Variants in FOXJ3 observed in about 807,000 individuals in gnomAD.
FOXJ3 encodes forkhead box J3.
In FOXJ3, 22 loss-of-function variants were observed where a neutral mutation model predicts 76.1. That is an observed-to-expected ratio of 0.29 (90% CI 0.21 to 0.41). The LOEUF (loss-of-function observed/expected upper bound fraction) is 0.41. FOXJ3 is among the 10% of genes least tolerant of loss of function. The probability of loss-of-function intolerance (pLI) is 1.00; values close to 1 mark genes in which losing one functional copy is unlikely to be tolerated. For missense variants in FOXJ3, 613 were observed against 762.1 expected (o/e 0.80, Z 2.30); for synonymous variants, 269 against 261.2 (o/e 1.03, Z -0.29).
At chr1:42,324,588 TC>T (rs1655718586) in intron 1 of FOXJ3, among the ~76,000 whole-genome samples, 1 of 152,018 alleles carries the variant, frequency 6.6e-6, no homozygotes, top group African/African-American at 2.4e-5. Flanking sequence ...AGAGTGTACT[TC>T]CACAAACCTA....
chr1:42,233,883 G>A (rs1156676958), intron 4 of FOXJ3, among the ~76,000 whole-genome samples: 3 of 150,952 alleles, frequency 2.0e-5, no homozygotes, highest in Non-Finnish European at 4.4e-5. Flanking sequence ...AGTTTTCAAA[G>A]GGAATGCTTC....
intron 1 of FOXJ3, among the ~76,000 whole-genome samples, chr1:42,330,303 T>C (rs555227565): frequency 1.3e-5 from 2 of 152,056 alleles, no homozygotes; most frequent in Admixed American, 6.5e-5. Context: ...AACAAACAAG[T>C]GGCAGAATCT....
chr1:42,183,028 A>T (rs1646355962), intron 11 of FOXJ3, among the ~76,000 whole-genome samples: 1 of 149,762 alleles, frequency 6.7e-6, no homozygotes, highest in Non-Finnish European at 1.5e-5. Context: ...TAATCCCAGC[A>T]CTTTGGGAGG....
chr1:42,284,151 T>C (rs1174648309), intron 2 of FOXJ3, among the ~76,000 whole-genome samples: 1 of 152,186 alleles, frequency 6.6e-6, no homozygotes, highest in Non-Finnish European at 1.5e-5. Flanking sequence ...CAGATGAATG[T>C]AGTTCCTAAC....
chr1:42,199,996 ACT>A (rs1422089225), intron 6 of FOXJ3, among the ~76,000 whole-genome samples: 25 of 120,502 alleles, frequency 2.1e-4, no homozygotes, highest in Non-Finnish European at 3.7e-4. Context: ...ACAGAGCGAG[ACT>A]CTGTCTCAAA....
At chr1:42,314,438 G>T (rs1436818190) in intron 1 of FOXJ3, among the ~76,000 whole-genome samples, 2 of 152,144 alleles carry the variant, frequency 1.3e-5, no homozygotes, top group Non-Finnish European at 2.9e-5. Flanking sequence ...TTAGTAGAGG[G>T]GGTTTCACCA....
At chr1:42,262,269 T>C (rs185751800) in intron 4 of FOXJ3, among the ~76,000 whole-genome samples, 4 of 152,280 alleles carry the variant, frequency 2.6e-5, no homozygotes, top group Non-Finnish European at 5.9e-5. Flanking sequence ...TTGTATTGAG[T>C]TTCTGTGACT....
chr1:42,309,608 C>A (rs1337844197), intron 2 of FOXJ3, among the ~76,000 whole-genome samples: 3 of 152,156 alleles, frequency 2.0e-5, no homozygotes. Flanking sequence ...AGGATTTTTA[C>A]ATGTTATGCT....
At chr1:42,304,210 TC>T (rs1012174512) in intron 2 of FOXJ3, among the ~76,000 whole-genome samples, 14 of 150,986 alleles carry the variant, frequency 9.3e-5, no homozygotes, top group African/African-American at 3.4e-4. Context: ...GTGAAAGACC[TC>T]CACAATGAAA....
chr1:42,203,725 G>A (rs1205499604), intron 6 of FOXJ3, among the ~76,000 whole-genome samples: 1 of 152,140 alleles, frequency 6.6e-6, no homozygotes, highest in African/African-American at 2.4e-5. Flanking sequence ...GCCAGGTGTG[G>A]TGGCTCACAC....
rs181507125 is a variant in FOXJ3, at chr1:42,205,810, A to C, written c.582T>G (p.Ile194Met). The C allele has an allele frequency of 9.3e-6, 15 of 1,612,542 alleles. No homozygotes were observed. The East Asian group carries it at 2.7e-4, about 29-fold the overall frequency. Residue 194 changes from isoleucine to methionine, a missense_variant, in exon 6 of 13, where the codon ATT (isoleucine) becomes ATG (methionine). Ile to Met is a conservative substitution (Grantham distance 10, BLOSUM62 1). Around this residue, in one of 3 missense-constraint regions of FOXJ3, gnomAD observed 526 missense variants for 601.4 expected, o/e 0.87. Transcript: ENST00000361346. ...CCAGAGTTGGAGAGGCACTTCCCGAAATAATACACTCCATTCCCAAAGAAT... is the reference window on the plus strand; with the variant it reads ...CCAGAGTTGGAGAGGCACTTCCCGACATAATACACTCCATTCCCAAAGAAT... ...DSDSLGMECI[I>M]SGSASPTLAI...
intron 3 of FOXJ3, among the ~76,000 whole-genome samples, chr1:42,277,052 GT>G (rs1412351901): frequency 6.6e-6 from 1 of 152,190 alleles, no homozygotes; most frequent in African/African-American, 2.4e-5. Flanking sequence ...TATGTAAGAT[GT>G]TAACATTAGA....
At chr1:42,279,955 G>A (rs1368621604) in intron 2 of FOXJ3, among the ~76,000 whole-genome samples, 7 of 152,034 alleles carry the variant, frequency 4.6e-5, no homozygotes, top group African/African-American at 4.8e-5. Flanking sequence ...ACAACTTGGC[G>A]GCAACAGAGA....
intron 1 of FOXJ3, among the ~76,000 whole-genome samples, chr1:42,331,664 G>A (rs917905904): frequency 3.3e-5 from 5 of 152,038 alleles, no homozygotes; most frequent in African/African-American, 1.2e-4. Flanking sequence ...GTGAGGGTAC[G>A]GGGAGTGACT....
Position 42,188,886 on chromosome 1 carries a change from G to C in FOXJ3, c.1496C>G (p.Ser499Cys). The C allele has an allele frequency of 1.2e-6, 2 of 1,612,618 alleles. No individual in the cohort carries two copies. Among genetic ancestry groups the C allele is most frequent in the Non-Finnish European group, 1.7e-6 (2 of 1,179,164 alleles). ...SMRQADLKNW[S>C]LDQVQFADLC... ...ATCGGCAAACTGAACCTGGTCTAAA[G>C]ACCAGTTCTTGAGATCTGCCTGTCT... Residue 499 changes from serine (S) to cysteine (C), a missense_variant, in exon 11 of 13, where the codon TCT (serine) becomes TGT (cysteine). Physicochemically the swap from Ser to Cys is moderately radical, Grantham distance 112. Transcript: ENST00000361346.
intron 2 of FOXJ3, among the ~76,000 whole-genome samples, chr1:42,296,547 T>C (rs1050152026): frequency 6.6e-6 from 1 of 152,228 alleles, no homozygotes; most frequent in Non-Finnish European, 1.5e-5. Flanking sequence ...GCACCATCTA[T>C]TGAATAGAGT....
chr1:42,327,536 G>A (rs1655910531), intron 1 of FOXJ3, among the ~76,000 whole-genome samples: 1 of 152,056 alleles, frequency 6.6e-6, no homozygotes, highest in African/African-American at 2.4e-5. Context: ...CCATCATATT[G>A]AATCCCCTCT....
At chr1:42,213,226 C>G (rs1647001452) in intron 5 of FOXJ3, among the ~76,000 whole-genome samples, 2 of 152,056 alleles carry the variant, frequency 1.3e-5, no homozygotes, top group South Asian at 4.2e-4. Context: ...TCTCACATTT[C>G]AATATTAATG....
At chr1:42,303,366 T>C (rs1570206996) in intron 2 of FOXJ3, among the ~76,000 whole-genome samples, 2 of 152,222 alleles carry the variant, frequency 1.3e-5, no homozygotes, top group East Asian at 1.9e-4. Context: ...CCTGGTCTAA[T>C]AGTAAGAAGA....
Sources: gnomAD v4.1 joint callset for allele counts (sites outside exome capture counted in the v4.1 genomes callset) on GRCh38, gnomAD v4.1.1 for gene constraint, gnomAD v4.1.1 regional missense constraint, MANE v1.5 for transcripts, NCBI Gene and HGNC (gene_info 2026-07-23, HGNC 2026-07-21) for gene names.